Variants in HDAC4 observed in about 807,000 individuals in gnomAD.
HDAC4 encodes the protein histone deacetylase A.
A neutral mutation model predicts 135.1 loss-of-function variants in HDAC4; 16 were observed. The observed-to-expected ratio is 0.12, with a 90% confidence interval of 0.08 to 0.18. The LOEUF is 0.18. HDAC4 is among the 10% of genes least tolerant of loss of function. The pLI is 1.00. For missense variants in HDAC4, 1,143 were observed against 1,511.8 expected, an observed-to-expected ratio of 0.76 and a Z score of 4.05; for synonymous variants, 685 against 653.4, an observed-to-expected ratio of 1.05 and a Z score of -0.74.
intron 7 of HDAC4, among the ~76,000 whole-genome samples, chr2:239,149,761 G>A (rs2041994578): frequency 6.6e-6 from 1 of 152,126 alleles, no homozygotes; most frequent in Admixed American, 6.5e-5. Context: ...GACTGACGGT[G>A]ACGGCACTGC....
chr2:239,275,942 G>A (rs1291700608), intron 2 of HDAC4, among the ~76,000 whole-genome samples: 1 of 152,148 alleles, frequency 6.6e-6, no homozygotes, highest in Non-Finnish European at 1.5e-5. Flanking sequence ...GAGGAGGAGA[G>A]GCCTTAAAAG....
intron 2 of HDAC4, among the ~76,000 whole-genome samples, chr2:239,340,731 G>T (rs2017669): frequency 3.9e-5 from 6 of 152,112 alleles, no homozygotes; most frequent in Non-Finnish European, 8.8e-5. Context: ...AGGGCTCCCC[G>T]TGCTGAGGGC....
At chr2:239,160,997 GGGGCTGCTTGCCGCAGTTTT>G (rs1406792928) in intron 6 of HDAC4, among the ~76,000 whole-genome samples, 1 of 152,178 alleles carries the variant, frequency 6.6e-6, no homozygotes, top group African/African-American at 2.4e-5. Context: ...CAGGTATGAA[GGGGCTGCTTGCCGCAGTTTT>G]GATTTGCATT....
intron 3 of HDAC4, among the ~76,000 whole-genome samples, chr2:239,219,778 A>C (rs2046847461): frequency 6.6e-6 from 1 of 152,254 alleles, no homozygotes; most frequent in South Asian, 2.1e-4. Flanking sequence ...ACTAAATATC[A>C]AACATATTTG....
In HDAC4 at chr2:239,053,045, G is replaced by C; in HGVS notation, c.*52C>G. ...CGTGACACGGGAAAGTTTCTTGGCT[G>C]AGCTTCAAGACAGAGACAGACAGAC... On this transcript the variant is annotated 3_prime_UTR_variant, in exon 27 of 27. Coordinates refer to ENST00000543185, the MANE Select transcript of HDAC4 (RefSeq NM_001378414.1). The C allele has an allele frequency of 6.2e-7, 1 of 1,608,592 alleles. No individual in the cohort carries two copies. The highest frequency in any genetic ancestry group is 8.5e-7 in the Non-Finnish European group (1 of 1,174,928).
chr2:239,376,656 G>A (rs1411693662), intron 1 of HDAC4, among the ~76,000 whole-genome samples: 2 of 152,224 alleles, frequency 1.3e-5, no homozygotes, highest in Admixed American at 6.5e-5. Context: ...CAGATTGCCC[G>A]GGACGCCTAG....
At chr2:239,350,015 G>A (rs1693009700) in intron 2 of HDAC4, among the ~76,000 whole-genome samples, 1 of 152,226 alleles carries the variant, frequency 6.6e-6, no homozygotes, top group Non-Finnish European at 1.5e-5. Flanking sequence ...CTGAACCGCA[G>A]CGGCTGAAAT....
At chr2:239,070,460 G>A (rs2034064326) in intron 22 of HDAC4, among the ~76,000 whole-genome samples, 1 of 152,264 alleles carries the variant, frequency 6.6e-6, no homozygotes, top group Non-Finnish European at 1.5e-5. Context: ...TGTGTGCTAT[G>A]AATCCATGCG....
intron 1 of HDAC4, among the ~76,000 whole-genome samples, chr2:239,397,412 G>A (rs1395851572): frequency 2.0e-5 from 3 of 152,158 alleles, no homozygotes; most frequent in African/African-American, 7.2e-5. Context: ...GCTGCTCGTG[G>A]CATCATCTCC....
At chr2:239,301,981 C>A (rs2052297169) in intron 2 of HDAC4, among the ~76,000 whole-genome samples, 1 of 151,636 alleles carries the variant, frequency 6.6e-6, no homozygotes, top group Non-Finnish European at 1.5e-5. Flanking sequence ...CAAAAAAACA[C>A]AACAACAACA....
intron 7 of HDAC4, among the ~76,000 whole-genome samples, chr2:239,148,014 G>C (rs6714076): frequency 6.6e-6 from 1 of 152,138 alleles, no homozygotes; most frequent in Non-Finnish European, 1.5e-5. Context: ...GGGGACAGGC[G>C]TGCACCTGGC....
intron 7 of HDAC4, among the ~76,000 whole-genome samples, chr2:239,147,842 C>A (rs2041863512): frequency 6.6e-6 from 1 of 152,234 alleles, no homozygotes; most frequent in African/African-American, 2.4e-5. Flanking sequence ...TAAAATTCAA[C>A]GCAGTGCCCA....
At chr2:239,366,798 G>T (rs532757889) in intron 1 of HDAC4, among the ~76,000 whole-genome samples, 27 of 136,694 alleles carry the variant, frequency 2.0e-4, no homozygotes, top group Non-Finnish European at 2.9e-4. Context: ...CCCCACGAAG[G>T]AAAACATGAC....
intron 24 of HDAC4, among the ~76,000 whole-genome samples, chr2:239,061,070 G>C (rs1482011166): frequency 1.3e-5 from 2 of 152,264 alleles, no homozygotes; most frequent in African/African-American, 4.8e-5. Context: ...CGTGGACCCT[G>C]TGCGCGCCAC....
At chr2:239,053,635 A>G (rs759257962) in intron 25 of HDAC4, 34 bp from the exon 26 acceptor site, 1 of 1,606,036 alleles carries the variant, frequency 6.2e-7, no homozygotes, top group South Asian at 1.1e-5. Context: ...TCGCTCAGTG[A>G]CTACAACTTA....
At chr2:239,164,058 C>A (rs2042982845) in intron 5 of HDAC4, 135 bp from the exon 6 acceptor site, 3 of 1,070,170 alleles carry the variant, frequency 2.8e-6, no homozygotes, top group East Asian at 2.4e-5. Context: ...GCCTCCTGAG[C>A]GCTTCCTCAA....
Position 239,400,584 on chromosome 2 carries a change from G to GGACCGGCGGCGTC in HDAC4, c.-220+381_-220+393dup, listed in dbSNP as rs1696911316. The stretch of plus-strand genomic sequence containing the variant: ...CCACGGCCGCGCGCGGGGCGGGTGT[G>GGACCGGCGGCGTC]GACCGGCGGCGTCCACCTGCCGCGG... On this transcript the variant is annotated intron_variant, in intron 1 of 26. Coordinates refer to ENST00000543185, the MANE Select transcript of HDAC4 (RefSeq NM_001378414.1). This position sits in a 1 kb window ranked among gnomAD's most constrained non-coding sequence, Gnocchi z 4.7. The GGACCGGCGGCGTC allele has an allele frequency of 6.9e-6, 1 of 145,912 alleles. No individual in the cohort carries two copies. The highest frequency in any genetic ancestry group is 2.5e-5 in the African/African-American group (1 of 40,676). The allele number at this position is 145,912 out of a possible 1,614,324, so 9.0% of individuals were successfully genotyped here.
intron 23 of HDAC4, 181 bp from the exon 24 acceptor site, chr2:239,067,036 C>T (rs949271508): frequency 1.4e-6 from 1 of 718,924 alleles, no homozygotes; most frequent in Non-Finnish European, 2.4e-6. Context: ...CCTCTTTGAT[C>T]TGTTTGAGAG....
chr2:239,053,341 G>T, intron 26 of HDAC4, 119 bp downstream of exon 26: 1 of 1,414,102 alleles, frequency 7.1e-7, no homozygotes, highest in Non-Finnish European at 9.7e-7. Flanking sequence ...GGCCACACTG[G>T]CCTGTCTCTA....
Sources: allele counts gnomAD v4.1 joint callset (sites outside exome capture counted in the v4.1 genomes callset), GRCh38; gene constraint gnomAD v4.1.1; non-coding constraint Gnocchi (gnomAD v3.1); transcripts MANE v1.5; gene names NCBI Gene and HGNC (gene_info 2026-07-23, HGNC 2026-07-21).